The following MRPL37 variants were observed in gnomAD, a reference collection of about 807,000 sequenced individuals.
MRPL37 encodes the protein mitochondrial ribosomal protein L37, also known as large ribosomal subunit protein mL37.
In MRPL37, 34 loss-of-function variants were observed where a neutral mutation model predicts 44.1. The observed-to-expected ratio is 0.77, with a 90% CI of 0.59 to 1.03. The LOEUF is 1.03. Ranked by LOEUF, MRPL37 falls within the 50% of genes least tolerant of loss-of-function variation. The pLI, the probability that MRPL37 is intolerant of heterozygous loss-of-function variation, is 0.00. For missense variants in MRPL37, 532 were observed against 543.7 expected (o/e 0.98, Z 0.21); for synonymous variants, 212 against 219.5 (o/e 0.97, Z 0.30).
rs1644102329 is a variant in MRPL37 at position 54,203,756 on chromosome 1, A to G, written c.347-1262A>G. Among the ~76,000 whole-genome samples, 3 of 152,140 alleles carry G rather than the reference A, an allele frequency of 2.0e-5. No homozygotes were observed. The South Asian group carries it at 6.2e-4, about 32-fold the overall frequency. On this transcript the variant is annotated intron_variant, in intron 1 of 6. Coordinates refer to ENST00000360840, the MANE Select transcript of MRPL37 (RefSeq NM_016491.4). Reference sequence around the variant, plus strand: ...CTCCCAAAGTGCTGGGATTACAGGCATGAGCCACCATGCCCGGCCTAAGGT... The same window carrying G: ...CTCCCAAAGTGCTGGGATTACAGGCGTGAGCCACCATGCCCGGCCTAAGGT...
downstream of MRPL37, among the ~76,000 whole-genome samples, chr1:54,219,134 ATGGGCAC>A (rs1275430080): frequency 6.6e-6 from 1 of 152,218 alleles, no homozygotes; most frequent in African/African-American, 2.4e-5. Flanking sequence ...CACCCAGTTC[ATGGGCAC>A]TCTGGAGCCA....
At chr1:54,220,316 C>A (rs909761070), downstream of MRPL37, among the ~76,000 whole-genome samples, 5 of 152,164 alleles carry the variant, frequency 3.3e-5, no homozygotes, top group African/African-American at 1.2e-4. Context: ...AGCTTGAGGA[C>A]TGCCTGGAAG....
downstream of MRPL37, chr1:54,225,479 TAC>T: frequency 8.7e-7 from 1 of 1,148,722 alleles, no homozygotes. Flanking sequence ...ACATATATCG[TAC>T]ACAAACTACA....
chr1:54,216,393 T>C, intron 6 of MRPL37, 49 bp downstream of exon 6: 1 of 1,580,464 alleles, frequency 6.3e-7, no homozygotes. Context: ...TGCCTCCTCC[T>C]ACCTGGTGTG....
downstream of MRPL37, among the ~76,000 whole-genome samples, chr1:54,219,794 T>C (rs1425116253): frequency 4.6e-5 from 7 of 152,228 alleles, no homozygotes; most frequent in Non-Finnish European, 1.0e-4. Flanking sequence ...CATATATACA[T>C]GACTGAAGAG....
intron 3 of MRPL37, among the ~76,000 whole-genome samples, chr1:54,205,717 A>G (rs1239286116): frequency 2.0e-5 from 3 of 152,230 alleles, no homozygotes; most frequent in Non-Finnish European, 1.5e-5. Context: ...AAGCACATGT[A>G]GCCTCCGCCC....
At chr1:54,222,144 G>A (rs930235821), downstream of MRPL37, among the ~76,000 whole-genome samples, 9 of 152,358 alleles carry the variant, frequency 5.9e-5, no homozygotes, top group Admixed American at 3.9e-4. Flanking sequence ...ACCAGGACCT[G>A]TGCTGGCAAT....
chr1:54,225,265 C>T, downstream of MRPL37: 1 of 1,234,292 alleles, frequency 8.1e-7, no homozygotes, highest in Non-Finnish European at 1.0e-6. Context: ...CATCGCGACT[C>T]CACAAGAACA....
downstream of MRPL37, among the ~76,000 whole-genome samples, chr1:54,223,838 A>AG (rs1644254327): frequency 1.3e-5 from 2 of 152,164 alleles, no homozygotes; most frequent in Non-Finnish European, 2.9e-5. Flanking sequence ...GCTCATGTAG[A>AG]GCTCTGGCCT....
downstream of MRPL37, among the ~76,000 whole-genome samples, chr1:54,222,534 A>C (rs1417884272): frequency 6.6e-6 from 1 of 152,022 alleles, no homozygotes; most frequent in African/African-American, 2.4e-5. Flanking sequence ...ACTAGCAAGA[A>C]GCCCTCTCCT....
chr1:54,220,504 GTTTT>G (rs1320770684), downstream of MRPL37: 11 of 378,232 alleles, frequency 2.9e-5, no homozygotes, highest in South Asian at 2.2e-4. Flanking sequence ...AGGACTGGCG[GTTTT>G]TTTTATTGTC....
chr1:54,212,474 C>G (rs752798341), intron 4 of MRPL37, 27 bp from the exon 5 acceptor site: 9 of 1,610,220 alleles, frequency 5.6e-6, no homozygotes, highest in Non-Finnish European at 7.6e-6. Flanking sequence ...TCCTTTCCAC[C>G]CCTCCACATA....
chr1:54,209,692 C>G (rs1414837205), intron 3 of MRPL37, among the ~76,000 whole-genome samples: 2 of 152,070 alleles, frequency 1.3e-5, no homozygotes, highest in Admixed American at 6.6e-5. Flanking sequence ...ATATCCTGAC[C>G]TCGTGATCCA....
chr1:54,220,244 T>C (rs610851), downstream of MRPL37, among the ~76,000 whole-genome samples: 1,457 of 152,198 alleles, frequency 9.6e-3, 24 homozygotes, highest in African/African-American at 0.033. Flanking sequence ...TGAGGTGAAC[T>C]TGAGCCCTGA....
At chr1:54,210,896 C>T (rs1435786688) in intron 4 of MRPL37, among the ~76,000 whole-genome samples, 2 of 152,158 alleles carry the variant, frequency 1.3e-5, no homozygotes, top group Non-Finnish European at 2.9e-5. Context: ...TCATGCCCAC[C>T]TCCCCGTGGC....
chr1:54,206,403 C>T (rs148874179), intron 3 of MRPL37, among the ~76,000 whole-genome samples: 2,625 of 150,972 alleles, frequency 0.017, 61 homozygotes, highest in East Asian at 0.07. Flanking sequence ...TGAGCCACAA[C>T]GCCCGGCCTG....
intron 4 of MRPL37, among the ~76,000 whole-genome samples, chr1:54,210,921 G>A (rs1221912571): frequency 6.6e-6 from 1 of 152,036 alleles, no homozygotes; most frequent in Non-Finnish European, 1.5e-5. Context: ...TGGTAAAGTT[G>A]GAACTCCTTT....
chr1:54,221,947 G>A (rs923934416), downstream of MRPL37, among the ~76,000 whole-genome samples: 5 of 152,162 alleles, frequency 3.3e-5, no homozygotes, highest in Non-Finnish European at 7.3e-5. Flanking sequence ...GGGTGGACAC[G>A]GCCAGAGTGG....
At chr1:54,203,175 T>C (rs1302105188) in intron 1 of MRPL37, among the ~76,000 whole-genome samples, 1 of 152,158 alleles carries the variant, frequency 6.6e-6, no homozygotes, top group East Asian at 1.9e-4. Context: ...TTATTTATTT[T>C]AGAGACAGGG....
Sources: gnomAD v4.1 joint callset for allele counts (sites outside exome capture counted in the v4.1 genomes callset) on GRCh38, gnomAD v4.1.1 for gene constraint, MANE v1.5 for transcripts, NCBI Gene and HGNC (gene_info 2026-07-23, HGNC 2026-07-21) for gene names.